Variants in DYNC2H1 observed in about 807,000 individuals in gnomAD.
DYNC2H1 encodes the protein dynein cytoplasmic 2 heavy chain 1, also known as cytoplasmic dynein 2 heavy chain 1.
A neutral mutation model predicts 570.0 loss-of-function variants in DYNC2H1; 410 were observed. The observed-to-expected ratio is 0.72, with a 90% CI of 0.66 to 0.78. The LOEUF (loss-of-function observed/expected upper bound fraction) is 0.78, where lower values mean the gene tolerates loss of function less well. Ranked by LOEUF, DYNC2H1 falls within the 30% of genes least tolerant of loss-of-function variation. DYNC2H1 has a pLI of 0.00. For synonymous variants in DYNC2H1, 1,688 were observed against 1,677.6 expected (o/e 1.01, Z -0.15); for missense variants, 4,865 against 5,046.4 (o/e 0.96, Z 1.09).
chr11:103,386,262 CTTTG>C (rs954032973), intron 83 of DYNC2H1, among the ~76,000 whole-genome samples: 3 of 152,024 alleles, frequency 2.0e-5, no homozygotes, highest in African/African-American at 7.2e-5. Context: ...AATGATTATG[CTTTG>C]TTTGTAGACT....
Position 103,435,965 on chromosome 11 carries a change from A to G in DYNC2H1, c.12389A>G (p.Lys4130Arg), listed in dbSNP as rs368043505. The change falls in exon 85 of 89, where the codon AAG becomes AGG. Residue 4130 changes from lysine to arginine, a missense_variant. Transcript: ENST00000375735. ...NQKCPLAWQS[K>R]WEGPEDPLQY... ...CAGTGTCCTCTCGCATGGCAGAGCA[A>G]GTGGGAAGGCCCAGAAGATCCCTTA... The G allele has an allele frequency of 1.6e-4, 253 of 1,612,534 alleles. No individual in the cohort carries two copies. Among genetic ancestry groups the G allele is most frequent in the Non-Finnish European group, 1.9e-4 (228 of 1,179,114 alleles).
At chr11:103,321,554 T>C (rs944577268) in intron 81 of DYNC2H1, among the ~76,000 whole-genome samples, 4 of 152,138 alleles carry the variant, frequency 2.6e-5, no homozygotes, top group Non-Finnish European at 5.9e-5. Flanking sequence ...ATGCACTTCA[T>C]AGTAGGCATG....
Position 103,255,408 on chromosome 11 carries a change from T to C in DYNC2H1, c.10207-7T>C. On this transcript the variant is annotated splice_polypyrimidine_tract_variant and splice_region_variant and intron_variant, in intron 66 of 88. Coordinates refer to ENST00000375735, the MANE Select transcript of DYNC2H1 (RefSeq NM_001377.3). ...CTAGAATTACCTTGTCTTTTTGTTA[T>C]CCCAAGCTTTTAGCTTTAACCATTC... 1 of 1,550,916 alleles carries C rather than the reference T, an allele frequency of 6.4e-7. No homozygotes were observed.
At chr11:103,414,902 A>C (rs3018427) in intron 84 of DYNC2H1, among the ~76,000 whole-genome samples, 77,158 of 151,998 alleles carry the variant, frequency 0.51, 19,858 homozygotes, top group African/African-American at 0.6. Context: ...CAAATAGAAA[A>C]AAAATTCCAT....
chr11:103,397,628 C>T (rs1942451568), intron 83 of DYNC2H1, among the ~76,000 whole-genome samples: 1 of 152,190 alleles, frequency 6.6e-6, no homozygotes, highest in Non-Finnish European at 1.5e-5. Flanking sequence ...GACATGGTGG[C>T]TCATGCCTGT....
intron 82 of DYNC2H1, among the ~76,000 whole-genome samples, chr11:103,350,464 T>C (rs1010175364): frequency 1.4e-4 from 22 of 152,156 alleles, no homozygotes; most frequent in African/African-American, 5.3e-4. Context: ...ATAGAGCTAG[T>C]TGGCATCCTT....
At position 103,461,506 on chromosome 11, in the gene DYNC2H1, C is replaced by T. The variant is rs1297881486; in HGVS notation, c.12648+5150C>T. On this transcript the variant is annotated intron_variant, in intron 87 of 88. Coordinates refer to ENST00000375735, the MANE Select transcript of DYNC2H1 (RefSeq NM_001377.3). The surrounding 1 kb of genome is among the most constrained non-coding windows in gnomAD (Gnocchi z 4.8). ...AATAGTACTTGAAAACTTGATATTG[C>T]AAAATACATAAATCAAGCTCCTGTT... 6.6e-6 allele frequency among the ~76,000 whole-genome samples: 1 copy of T among 152,094 alleles called. No homozygotes were observed. The highest frequency in any genetic ancestry group is 1.9e-4 in the East Asian group (1 of 5,184).
At chr11:103,168,084 C>T (rs1430976841) in intron 31 of DYNC2H1, among the ~76,000 whole-genome samples, 1 of 152,148 alleles carries the variant, frequency 6.6e-6, no homozygotes, top group Admixed American at 6.5e-5. Flanking sequence ...TTTCTCTGGC[C>T]AGAAAGCTGG....
chr11:103,241,667 A>T lies in DYNC2H1; in HGVS notation c.9820-2026A>T. Reference sequence around the variant, plus strand: ...AGATCAAAAACCTAGGTGCAGCACCATGGTAACACTTCACAGGCTATTTAC... The same window carrying T: ...AGATCAAAAACCTAGGTGCAGCACCTTGGTAACACTTCACAGGCTATTTAC... On this transcript the variant is annotated intron_variant, in intron 63 of 88. Transcript: ENST00000375735. The surrounding 1 kb of genome is among the most constrained non-coding windows in gnomAD (Gnocchi z 5.1). 2 of 757,960 alleles carry T rather than the reference A, an allele frequency of 2.6e-6. No individual in the cohort carries two copies. Among genetic ancestry groups the T allele is most frequent in the Non-Finnish European group, 4.3e-6 (2 of 467,992 alleles). The allele number at this position is 757,960 out of a possible 1,614,324, so 47.0% of individuals were successfully genotyped here.
chr11:103,197,815 C>T (rs2135073287), intron 47 of DYNC2H1, 118 bp from the exon 48 acceptor site: 1 of 1,169,776 alleles, frequency 8.5e-7, no homozygotes, highest in Non-Finnish European at 1.2e-6. Flanking sequence ...TGCCTTTGCC[C>T]TTCTGGAGAT....
At chr11:103,191,650 G>GTGTGTA (rs2135051067) in intron 46 of DYNC2H1, 31 bp downstream of exon 46, 1 of 1,393,290 alleles carries the variant, frequency 7.2e-7, no homozygotes, top group Non-Finnish European at 9.9e-7. Flanking sequence ...TCTTGTGTGT[G>GTGTGTA]TGTGTGTGTG....
chr11:103,306,478 A>G (rs1029966223), intron 77 of DYNC2H1, among the ~76,000 whole-genome samples: 2 of 152,136 alleles, frequency 1.3e-5, no homozygotes, highest in Non-Finnish European at 2.9e-5. Context: ...ATCCAACTAT[A>G]TCCAGCTATA....
Position 103,153,329 on chromosome 11 carries a change from A to C in DYNC2H1, c.3123A>C (p.Lys1041Asn). 1 of 1,539,302 alleles carries C rather than the reference A, an allele frequency of 6.5e-7. No individual in the cohort carries two copies. Among genetic ancestry groups the C allele is most frequent in the Non-Finnish European group, 8.7e-7 (1 of 1,143,986 alleles). Reference protein sequence around the residue: ...DQIEVMKGNVKSRLQIYYQEL... With the variant: ...DQIEVMKGNVNSRLQIYYQEL... Reference sequence around the variant, plus strand: ...TTGAAGTGATGAAAGGAAATGTGAAATCACGTCTTCAGATCTATTATCAAG... The same window carrying C: ...TTGAAGTGATGAAAGGAAATGTGAACTCACGTCTTCAGATCTATTATCAAG... The change falls in exon 22 of 89, where the codon AAA becomes AAC. Residue 1041 changes from lysine to asparagine, a missense_variant. This residue lies in a region of DYNC2H1 where 1,936 missense variants were observed against 1,962.1 expected (regional missense o/e 0.99). Coordinates refer to ENST00000375735, the MANE Select transcript of DYNC2H1 (RefSeq NM_001377.3).
chr11:103,123,138 T>C (rs1014157180), intron 11 of DYNC2H1, 138 bp downstream of exon 11: 3 of 625,176 alleles, frequency 4.8e-6, no homozygotes, highest in Non-Finnish European at 7.0e-6. Context: ...TTGTTTTTGA[T>C]CATCAACTTT....
chr11:103,359,210 G>GT (rs1020995838), intron 83 of DYNC2H1, among the ~76,000 whole-genome samples: 6 of 152,138 alleles, frequency 3.9e-5, no homozygotes, highest in African/African-American at 1.2e-4. Flanking sequence ...TTATATCTCT[G>GT]TTTTTTATAA....
chr11:103,444,152 C>T (rs542519021), intron 85 of DYNC2H1, among the ~76,000 whole-genome samples: 3 of 151,520 alleles, frequency 2.0e-5, no homozygotes, highest in Admixed American at 1.3e-4. Context: ...ATTTATCTTG[C>T]TATTATAATC....
intron 84 of DYNC2H1, among the ~76,000 whole-genome samples, chr11:103,412,998 G>A (rs2135692646): frequency 6.6e-6 from 1 of 151,308 alleles, no homozygotes; most frequent in African/African-American, 2.4e-5. Flanking sequence ...ATGAATTCTT[G>A]TACCACCCCC....
rs972898599 is a variant in DYNC2H1 at position 103,148,423 on chromosome 11, A to C, written c.2819-67A>C. 6.1e-6 allele frequency: 9 copies of C among 1,484,100 alleles called. No homozygotes were observed. In the African/African-American group the frequency reaches 9.9e-5, roughly 16 times the overall value. 91.9% of individuals were successfully genotyped at this position (1,484,100 alleles called of 1,614,324 possible). On this transcript the variant is annotated intron_variant, in intron 19 of 88. Transcript: ENST00000375735. ...TACTTCTACCACCCCTTGATTTAGA[A>C]ATTATGTAACTTAGTATTTTTGATG...
chr11:103,358,187 T>C (rs1940446565), intron 82 of DYNC2H1, 56 bp from the exon 83 acceptor site: 3 of 1,029,700 alleles, frequency 2.9e-6, no homozygotes, highest in Non-Finnish European at 4.2e-6. Flanking sequence ...ATGTTCTTTC[T>C]TCCTGTTCGG....
Sources: gnomAD v4.1 joint callset for allele counts (sites outside exome capture counted in the v4.1 genomes callset) on GRCh38, gnomAD v4.1.1 for gene constraint, gnomAD v4.1.1 regional missense constraint, Gnocchi (gnomAD v3.1) non-coding constraint, MANE v1.5 for transcripts, NCBI Gene and HGNC (gene_info 2026-07-23, HGNC 2026-07-21) for gene names.